Variants in FGF2 observed in about 807,000 individuals in gnomAD.
The protein encoded by FGF2 is basic fibroblast growth factor bFGF.
In FGF2, 13 loss-of-function variants were observed where a neutral mutation model predicts 15.9. That is an observed-to-expected ratio of 0.82 (90% CI 0.53 to 1.30). The LOEUF is 1.30. FGF2 is among the 50% of genes most tolerant of loss of function. The pLI is 0.00. For synonymous variants in FGF2, 90 were observed against 78.4 expected (o/e 1.15, Z -0.78); for missense variants, 163 against 196.9 (o/e 0.83, Z 1.03).
intron 1 of FGF2, among the ~76,000 whole-genome samples, chr4:122,846,389 T>G (rs574417696): frequency 6.6e-6 from 1 of 152,346 alleles, no homozygotes; most frequent in African/African-American, 2.4e-5. Context: ...TCCACGAAAC[T>G]TTAATTTTTA....
chr4:122,841,116 T>C (rs777205143), intron 1 of FGF2, among the ~76,000 whole-genome samples: 6 of 152,246 alleles, frequency 3.9e-5, no homozygotes, highest in African/African-American at 7.2e-5. Flanking sequence ...CATAGCAACC[T>C]TCTGTAAAAG....
At chr4:122,889,732 ATAAG>A (rs988891157) in intron 2 of FGF2, among the ~76,000 whole-genome samples, 2 of 152,198 alleles carry the variant, frequency 1.3e-5, no homozygotes, top group Non-Finnish European at 2.9e-5. Flanking sequence ...TAATAAATAA[ATAAG>A]TAAATTAATT....
chr4:122,855,991 T>C (rs181851114), intron 1 of FGF2, among the ~76,000 whole-genome samples: 12 of 152,290 alleles, frequency 7.9e-5, no homozygotes, highest in Admixed American at 1.3e-4. Flanking sequence ...TTGGAAGAAA[T>C]TGAGAGCTCA....
At chr4:122,849,932 T>G (rs1455173934) in intron 1 of FGF2, among the ~76,000 whole-genome samples, 2 of 152,156 alleles carry the variant, frequency 1.3e-5, no homozygotes, top group South Asian at 2.1e-4. Flanking sequence ...ATTGTGTATG[T>G]TGAACATTGT....
intron 1 of FGF2, among the ~76,000 whole-genome samples, chr4:122,872,874 A>G (rs986798987): frequency 6.6e-6 from 1 of 152,222 alleles, no homozygotes; most frequent in African/African-American, 2.4e-5. Flanking sequence ...TCCTGAAAGG[A>G]GCACTCAATA....
rs1288422936 is a variant in FGF2, at chr4:122,836,951, A to G, written c.178+9599A>G. 2.6e-5 allele frequency among the ~76,000 whole-genome samples: 4 copies of G among 152,314 alleles called. 1 individual carries two copies. The South Asian group carries it at 6.2e-4, about 24-fold the overall frequency. On this transcript the variant is annotated intron_variant, in intron 1 of 2. Transcript: ENST00000644866. ...GTTCTAGAACTGGTTATAGTACTCTAATTAAGGAACGCAGACCTGGGAATT... is the reference window on the plus strand; with the variant it reads ...GTTCTAGAACTGGTTATAGTACTCTGATTAAGGAACGCAGACCTGGGAATT...
chr4:122,827,447 C>A lies in FGF2; in HGVS notation c.178+95C>A. 1 of 1,410,828 alleles carries A rather than the reference C, an allele frequency of 7.1e-7. No individual in the cohort carries two copies. The highest frequency in any genetic ancestry group is 2.4e-5 in the East Asian group (1 of 42,118). The allele number at this position is 1,410,828 out of a possible 1,614,324, so 87.4% of individuals were successfully genotyped here. A position where few individuals can be genotyped will look rare whatever the true frequency, so the allele number is the denominator to read the frequency against. On this transcript the variant is annotated intron_variant, in intron 1 of 2. Transcript: ENST00000644866. The surrounding 1 kb of genome is among the most constrained non-coding windows in gnomAD (Gnocchi z 4.2). ...CCTGCACCCTCCTCCCGGATCTTCA[C>A]TGCGACCCTAGCGCTCCGTGTGGTT... is the stretch of plus-strand genomic sequence containing the variant.
intron 2 of FGF2, among the ~76,000 whole-genome samples, chr4:122,877,211 G>A (rs113648899): frequency 0.042 from 6,308 of 151,756 alleles, 428 homozygotes; most frequent in African/African-American, 0.14. Flanking sequence ...CTGGGTTCAA[G>A]CAATTCTCCT....
At chr4:122,861,189 G>T (rs997427747) in intron 1 of FGF2, among the ~76,000 whole-genome samples, 3 of 152,068 alleles carry the variant, frequency 2.0e-5, no homozygotes, top group African/African-American at 7.2e-5. Context: ...ACATCTCCCT[G>T]TAGGGATTAG....
intron 1 of FGF2, among the ~76,000 whole-genome samples, chr4:122,855,452 A>C (rs1287225938): frequency 6.6e-6 from 1 of 152,214 alleles, no homozygotes; most frequent in Non-Finnish European, 1.5e-5. Context: ...TTGTTGAAGT[A>C]TTTCTCAGTT....
At chr4:122,848,387 G>A (rs939282993) in intron 1 of FGF2, among the ~76,000 whole-genome samples, 3 of 152,202 alleles carry the variant, frequency 2.0e-5, no homozygotes, top group African/African-American at 2.4e-5. Flanking sequence ...TCTTATTCCA[G>A]AAGAAAGGAC....
At chr4:122,860,345 A>G (rs944783627) in intron 1 of FGF2, among the ~76,000 whole-genome samples, 1 of 152,108 alleles carries the variant, frequency 6.6e-6, no homozygotes, top group African/African-American at 2.4e-5. Context: ...TCCTAACTTT[A>G]AAAGAAACTT....
In FGF2 at chr4:122,893,044, T is replaced by C. The variant is rs763303117; in HGVS notation, c.*648T>C. Reference sequence around the variant, plus strand: ...GGTCATTGAGATCCATCCACTCACATCTTAAGCATTCTTCCTGGCAAAAAT... The same window carrying C: ...GGTCATTGAGATCCATCCACTCACACCTTAAGCATTCTTCCTGGCAAAAAT... On this transcript the variant is annotated 3_prime_UTR_variant, in exon 3 of 3. Transcript: ENST00000644866. The C allele has an allele frequency of 6.2e-7, 1 of 1,614,034 alleles. No homozygotes were observed. The highest frequency in any genetic ancestry group is 1.3e-5 in the African/African-American group (1 of 74,918).
intron 2 of FGF2, among the ~76,000 whole-genome samples, chr4:122,883,466 A>G (rs1344807138): frequency 6.6e-6 from 1 of 152,212 alleles, no homozygotes. Flanking sequence ...AAAAATAACT[A>G]TATTTAATTG....
intron 1 of FGF2, among the ~76,000 whole-genome samples, chr4:122,856,112 C>T (rs1726335990): frequency 6.6e-6 from 1 of 152,148 alleles, no homozygotes; most frequent in African/African-American, 2.4e-5. Context: ...CTCTTCAAAA[C>T]ATTTTACATA....
chr4:122,859,056 A>G (rs1726400925), intron 1 of FGF2, among the ~76,000 whole-genome samples: 1 of 152,254 alleles, frequency 6.6e-6, no homozygotes, highest in Admixed American at 6.5e-5. Flanking sequence ...AGACTAATAT[A>G]GTGAGCCTTG....
At chr4:122,845,574 C>T (rs1272058687) in intron 1 of FGF2, among the ~76,000 whole-genome samples, 1 of 152,230 alleles carries the variant, frequency 6.6e-6, no homozygotes, top group Non-Finnish European at 1.5e-5. Flanking sequence ...GCGCTAGCTT[C>T]TACATCAGCA....
intron 1 of FGF2, among the ~76,000 whole-genome samples, chr4:122,828,917 G>T (rs1395201450): frequency 6.6e-6 from 1 of 152,168 alleles, no homozygotes. Flanking sequence ...CAAGGGCAAG[G>T]TGCTGTGTGT....
chr4:122,887,647 C>G (rs1727086211), intron 2 of FGF2, among the ~76,000 whole-genome samples: 1 of 152,192 alleles, frequency 6.6e-6, no homozygotes, highest in Non-Finnish European at 1.5e-5. Flanking sequence ...TACAAGGGGT[C>G]AAACTGCCAG....
Sources: allele counts gnomAD v4.1 joint callset (sites outside exome capture counted in the v4.1 genomes callset), GRCh38; gene constraint gnomAD v4.1.1; non-coding constraint Gnocchi (gnomAD v3.1); transcripts MANE v1.5; gene names NCBI Gene and HGNC (gene_info 2026-07-23, HGNC 2026-07-21).